HFM1: variants seen among roughly 807,000 people sequenced by gnomAD.
The protein encoded by HFM1 is helicase for meiosis 1, also known as probable ATP-dependent DNA helicase HFM1.
Under a neutral mutation model 192.1 loss-of-function variants are expected in HFM1, and 169 were observed. The observed-to-expected ratio is 0.88, with a 90% CI of 0.78 to 1.00. HFM1 has a LOEUF of 1.00. Among genes scored for constraint, HFM1 ranks in the 50% least tolerant of loss-of-function variants. The pLI is 0.00. For missense variants in HFM1, 1,661 were observed against 1,668.0 expected (o/e 1.00, Z 0.07); for synonymous variants, 525 against 537.8 (o/e 0.98, Z 0.33).
At position 91,274,821 on chromosome 1, in the gene HFM1, A is replaced by T. The variant is rs1666657485; in HGVS notation, c.3589-12T>A. On this transcript the variant is annotated splice_polypyrimidine_tract_variant and intron_variant, in intron 32 of 38. Coordinates refer to ENST00000370425, the MANE Select transcript of HFM1 (RefSeq NM_001017975.6). The stretch of plus-strand genomic sequence containing the variant: ...TTATTCATCTGTATCTATTAATGAA[A>T]CAAAAATAAGTTCAACTATCAGTTT... 1 of 1,423,784 alleles carries T rather than the reference A, an allele frequency of 7.0e-7. No individual in the cohort carries two copies. Among genetic ancestry groups the T allele is most frequent in the South Asian group, 1.2e-5 (1 of 81,884 alleles). The allele number at this position is 1,423,784 out of a possible 1,614,324, so 88.2% of individuals were successfully genotyped here. A position where few individuals can be genotyped will look rare whatever the true frequency, so the allele number is the denominator to read the frequency against.
intron 11 of HFM1, among the ~76,000 whole-genome samples, chr1:91,377,001 T>C (rs1361591011): frequency 6.6e-6 from 1 of 151,742 alleles, no homozygotes; most frequent in Non-Finnish European, 1.5e-5. Flanking sequence ...TAATCTTCCA[T>C]TGTTATAGTG....
intron 13 of HFM1, among the ~76,000 whole-genome samples, chr1:91,363,345 CAAA>C (rs1658777270): frequency 1.4e-3 from 1 of 736 alleles, no homozygotes; most frequent in Non-Finnish European, 3.1e-3. Context: ...AGAAAAAAAA[CAAA>C]CAACCCCATT....
intron 20 of HFM1, chr1:91,329,185 T>G: frequency 6.2e-7 from 1 of 1,610,176 alleles, no homozygotes; most frequent in Non-Finnish European, 8.5e-7. Context: ...AAGTACCCTT[T>G]GCCAGAAAAT....
chr1:91,298,778 C>T (rs1476471469), intron 30 of HFM1, among the ~76,000 whole-genome samples: 2 of 152,054 alleles, frequency 1.3e-5, no homozygotes, highest in Admixed American at 6.6e-5. Context: ...TAAAAGAGCT[C>T]CTGAAGGAAG....
At chr1:91,281,509 T>C (rs1359928588) in intron 30 of HFM1, among the ~76,000 whole-genome samples, 1 of 152,168 alleles carries the variant, frequency 6.6e-6, no homozygotes, top group Non-Finnish European at 1.5e-5. Flanking sequence ...TTTCATTAAG[T>C]TCCTGGGCTG....
At chr1:91,381,669 T>C (rs141927742) in intron 6 of HFM1, among the ~76,000 whole-genome samples, 1 of 152,252 alleles carries the variant, frequency 6.6e-6, no homozygotes, top group East Asian at 1.9e-4. Context: ...ATATATCAAC[T>C]ACAGTCATTG....
intron 1 of HFM1, among the ~76,000 whole-genome samples, chr1:91,401,987 T>C (rs1023530866): frequency 2.0e-5 from 3 of 152,104 alleles, no homozygotes; most frequent in African/African-American, 7.2e-5. Flanking sequence ...CATATCCTAT[T>C]TTTTTCTAAA....
rs145403079 is a variant in HFM1, at chr1:91,276,648, G to A, written c.3568C>T (p.Pro1190Ser). 1.5e-4 allele frequency: 223 copies of A among 1,535,092 alleles called. 1 individual carries two copies. In the Middle Eastern group the frequency reaches 2.7e-3, roughly 19 times the overall value. ...LRNRNAVSSV[P>S]PVKRLKIQMN... ...CTAACCTTCAGACGTTTAACTGGAG[G>A]AACAGATGAAACAGCATTCCTGTTT... Residue 1190 changes from proline (P) to serine (S), a missense_variant, in exon 32 of 39, where the codon CCT (proline) becomes TCT (serine). Physicochemically the swap from Pro to Ser is moderately conservative, Grantham distance 74 (BLOSUM62 -1). Coordinates refer to ENST00000370425, the MANE Select transcript of HFM1 (RefSeq NM_001017975.6).
rs755797245 is a variant in HFM1, at chr1:91,380,981, C to T, written c.804G>A (p.Pro268=). Residue 268 remains proline (P), a splice_region_variant and synonymous_variant, in exon 7 of 39, where the codon CCG becomes CCA. Transcript: ENST00000370425. Reference sequence around the variant, plus strand: ...CTTTGAAAATACTTCTAAATTTTGCCGCTTACAATAACATTAAGGAGTCAA... The same window carrying T: ...CTTTGAAAATACTTCTAAATTTTGCTGCTTACAATAACATTAAGGAGTCAA... ...LGSLKAVTEI[P]AKFRSIFKEF... is the part of the protein sequence containing the mutation. 31 of 1,418,152 alleles carry T rather than the reference C, an allele frequency of 2.2e-5. No homozygotes were observed. Among genetic ancestry groups the T allele is most frequent in the Middle Eastern group, 1.8e-4 (1 of 5,678 alleles). 87.8% of individuals were successfully genotyped at this position (1,418,152 alleles called of 1,614,324 possible). A position where few individuals can be genotyped will look rare whatever the true frequency, so the allele number is the denominator to read the frequency against.
intron 34 of HFM1, among the ~76,000 whole-genome samples, chr1:91,269,517 C>T (rs1666076525): frequency 6.6e-6 from 1 of 152,106 alleles, no homozygotes; most frequent in African/African-American, 2.4e-5. Flanking sequence ...CAAACCCTTC[C>T]TTATTCTTCA....
intron 13 of HFM1, among the ~76,000 whole-genome samples, chr1:91,373,855 A>C (rs752711126): frequency 6.6e-6 from 1 of 152,114 alleles, no homozygotes; most frequent in Non-Finnish European, 1.5e-5. Context: ...TCAATGCAAG[A>C]ATGACCTAAT....
At chr1:91,386,687 T>A (rs1662253437) in intron 4 of HFM1, among the ~76,000 whole-genome samples, 1 of 151,782 alleles carries the variant, frequency 6.6e-6, no homozygotes, top group Admixed American at 6.6e-5. Flanking sequence ...CAGTAAATAG[T>A]AAATTTCATA....
At chr1:91,276,585 C>A in intron 32 of HFM1, 43 bp downstream of exon 32, 1 of 918,026 alleles carries the variant, frequency 1.1e-6, no homozygotes, top group Non-Finnish European at 1.7e-6. Flanking sequence ...TATTTATATA[C>A]GTTTAACTAC....
At chr1:91,382,154 A>G (rs1043306997) in intron 6 of HFM1, among the ~76,000 whole-genome samples, 2 of 151,970 alleles carry the variant, frequency 1.3e-5, no homozygotes, top group Non-Finnish European at 2.9e-5. Flanking sequence ...TATTCCTTCC[A>G]TATTTCCTTG....
At chr1:91,325,060 C>T (rs1012834363) in intron 20 of HFM1, among the ~76,000 whole-genome samples, 3 of 151,992 alleles carry the variant, frequency 2.0e-5, no homozygotes, top group Non-Finnish European at 4.4e-5. Context: ...TGAGTCCAGG[C>T]CTAGGCTCTT....
chr1:91,347,103 T>C (rs1249968380), intron 19 of HFM1, among the ~76,000 whole-genome samples: 2 of 152,060 alleles, frequency 1.3e-5, no homozygotes, highest in African/African-American at 4.8e-5. Context: ...AGTAAGACTG[T>C]CTCTTTTAAA....
chr1:91,337,603 C>T (rs1654771399), intron 20 of HFM1, among the ~76,000 whole-genome samples: 1 of 152,184 alleles, frequency 6.6e-6, no homozygotes, highest in Non-Finnish European at 1.5e-5. Flanking sequence ...AGTCCCGTCT[C>T]CAGTACTGCA....
At chr1:91,332,632 C>G (rs2101535908) in intron 20 of HFM1, among the ~76,000 whole-genome samples, 1 of 151,952 alleles carries the variant, frequency 6.6e-6, no homozygotes, top group East Asian at 1.9e-4. Flanking sequence ...TTCTACACAG[C>G]AAAGGAAACA....
intron 13 of HFM1, among the ~76,000 whole-genome samples, chr1:91,375,110 T>C (rs1660747245): frequency 6.6e-6 from 1 of 152,050 alleles, no homozygotes; most frequent in Non-Finnish European, 1.5e-5. Context: ...CTATAAAAGA[T>C]GCTGGATTGA....
Sources: allele counts gnomAD v4.1 joint callset (sites outside exome capture counted in the v4.1 genomes callset), GRCh38; gene constraint gnomAD v4.1.1; transcripts MANE v1.5; gene names NCBI Gene and HGNC (gene_info 2026-07-23, HGNC 2026-07-21).